The following OSBPL10 variants were observed in gnomAD, a reference collection of about 807,000 sequenced individuals.
The protein encoded by OSBPL10 is oxysterol-binding protein-related protein 10.
In OSBPL10, 49 loss-of-function variants were observed where a neutral mutation model predicts 81.7. That is an observed-to-expected ratio of 0.60 (90% CI 0.48 to 0.76). The LOEUF (loss-of-function observed/expected upper bound fraction) is 0.76, where lower values mean the gene tolerates loss of function less well. OSBPL10 is among the 30% of genes least tolerant of loss of function. OSBPL10 has a pLI of 0.00. For missense variants in OSBPL10, 923 were observed against 987.8 expected (o/e 0.93, Z 0.88); for synonymous variants, 419 against 383.6 (o/e 1.09, Z -1.08).
chr3:31,812,349 A>G (rs1045295371), intron 4 of OSBPL10, among the ~76,000 whole-genome samples: 2 of 152,164 alleles, frequency 1.3e-5, no homozygotes, highest in Admixed American at 1.3e-4. Flanking sequence ...GGTTATTATA[A>G]CAGATAATTT....
At chr3:31,886,066 A>G (rs1003802411) in intron 1 of OSBPL10, among the ~76,000 whole-genome samples, 2 of 151,604 alleles carry the variant, frequency 1.3e-5, no homozygotes, top group Non-Finnish European at 2.9e-5. Flanking sequence ...CTGCAGTGGG[A>G]AACAGCTCAC....
chr3:31,757,515 C>G (rs1031747597), intron 4 of OSBPL10, among the ~76,000 whole-genome samples: 1 of 152,200 alleles, frequency 6.6e-6, no homozygotes, highest in African/African-American at 2.4e-5. Flanking sequence ...CTTCCAGCCT[C>G]CACAACTGTG....
chr3:31,741,494 A>C (rs941763896), intron 5 of OSBPL10, among the ~76,000 whole-genome samples: 1 of 152,118 alleles, frequency 6.6e-6, no homozygotes, highest in African/African-American at 2.4e-5. Context: ...TGATCTCTTG[A>C]CCTCGTGATC....
At chr3:31,979,814 GAGCCCCTTTCCTCGAC>G (rs1698780384) in intron 1 of OSBPL10, among the ~76,000 whole-genome samples, 1 of 151,752 alleles carries the variant, frequency 6.6e-6, no homozygotes, top group African/African-American at 2.4e-5. Context: ...AGTGCCTCCT[GAGCCCCTTTCCTCGAC>G]AGCCCCATCC....
intron 1 of OSBPL10, among the ~76,000 whole-genome samples, chr3:31,902,663 C>T (rs780304996): frequency 5.7e-4 from 86 of 151,924 alleles, no homozygotes; most frequent in Admixed American, 1.8e-3. Context: ...CCCAGGTTCA[C>T]GCCATTCTCC....
chr3:31,950,311 G>T (rs1178967521), intron 1 of OSBPL10, among the ~76,000 whole-genome samples: 4 of 152,086 alleles, frequency 2.6e-5, no homozygotes, highest in African/African-American at 9.7e-5. Context: ...GACCCAAGCT[G>T]GAATTTCATA....
At chr3:31,777,860 C>G (rs1395130786) in intron 4 of OSBPL10, among the ~76,000 whole-genome samples, 2 of 152,238 alleles carry the variant, frequency 1.3e-5, no homozygotes, top group Non-Finnish European at 2.9e-5. Flanking sequence ...TAGGCACTCC[C>G]ATTCTCCAGC....
rs1043515433 is a variant in OSBPL10, at chr3:32,027,608, A to G, written n.298+18883T>C. Among the ~76,000 whole-genome samples the G allele has an allele frequency of 3.3e-5, 5 of 152,230 alleles. No individual in the cohort carries two copies. The South Asian group carries it at 8.3e-4, about 25-fold the overall frequency. On this transcript the variant is annotated intron_variant and non_coding_transcript_variant, in intron 2 of 3. Transcript: ENST00000479173. ...AACTCAAAATCATTTTTAATTAATCAATAAAATTGAATGTGTTCAGATTTT... is the reference window on the plus strand; with the variant it reads ...AACTCAAAATCATTTTTAATTAATCGATAAAATTGAATGTGTTCAGATTTT...
intron 2 of OSBPL10, among the ~76,000 whole-genome samples, chr3:32,040,851 A>G (rs907072502): frequency 6.6e-6 from 1 of 152,158 alleles, no homozygotes; most frequent in African/African-American, 2.4e-5. Flanking sequence ...AAAAGTTAAA[A>G]ATTGTTTTTA....
intron 4 of OSBPL10, among the ~76,000 whole-genome samples, chr3:31,805,320 C>CA (rs944732463): frequency 5.6e-4 from 85 of 152,304 alleles, no homozygotes; most frequent in African/African-American, 2.0e-3. Flanking sequence ...ATGCTGGTCT[C>CA]AAAGAATGAC....
chr3:31,925,930 C>T (rs999698975), intron 1 of OSBPL10, among the ~76,000 whole-genome samples: 1 of 152,216 alleles, frequency 6.6e-6, no homozygotes, highest in African/African-American at 2.4e-5. Flanking sequence ...ATGAAGGCCA[C>T]TGCAGTTCAC....
chr3:32,052,564 T>A (rs921200650), intron 1 of OSBPL10, among the ~76,000 whole-genome samples: 1 of 151,064 alleles, frequency 6.6e-6, no homozygotes, highest in Non-Finnish European at 1.5e-5. Context: ...CAAATGCCCA[T>A]CAAGATAGAC....
chr3:31,982,124 A>G (rs1211447926), upstream of OSBPL10, among the ~76,000 whole-genome samples: 1 of 152,290 alleles, frequency 6.6e-6, no homozygotes, highest in South Asian at 2.1e-4. Flanking sequence ...CTGCACGTGC[A>G]CCTAGGAGCA....
At chr3:31,905,032 C>T (rs963774558) in intron 1 of OSBPL10, among the ~76,000 whole-genome samples, 2 of 152,164 alleles carry the variant, frequency 1.3e-5, no homozygotes, top group Admixed American at 1.3e-4. Flanking sequence ...ATCTACCTCA[C>T]AGGACTTCAA....
At chr3:31,667,772 T>C (rs1700232642) in intron 10 of OSBPL10, among the ~76,000 whole-genome samples, 1 of 152,262 alleles carries the variant, frequency 6.6e-6, no homozygotes. Context: ...TGAATGATCA[T>C]GGCTGTGTTC....
intron 1 of OSBPL10, among the ~76,000 whole-genome samples, chr3:31,922,984 T>TA (rs1246401445): frequency 2.0e-5 from 3 of 152,070 alleles, no homozygotes; most frequent in East Asian, 3.9e-4. Context: ...TCACAGTGTT[T>TA]AAAAAAATCA....
intron 6 of OSBPL10, chr3:31,704,514 T>C (rs1575487807): frequency 6.6e-6 from 1 of 152,338 alleles, no homozygotes; most frequent in East Asian, 1.9e-4. Flanking sequence ...CACCATGGTG[T>C]ACCCAACAGG....
chr3:31,807,337 C>T (rs1699544381), intron 4 of OSBPL10, among the ~76,000 whole-genome samples: 2 of 151,912 alleles, frequency 1.3e-5, no homozygotes, highest in African/African-American at 2.4e-5. Flanking sequence ...CGTGCCACTA[C>T]ACTCCAGCCT....
chr3:31,681,209 T>C (rs1399249966), intron 8 of OSBPL10, among the ~76,000 whole-genome samples: 1 of 152,112 alleles, frequency 6.6e-6, no homozygotes, highest in Non-Finnish European at 1.5e-5. Context: ...GTGTGACGAG[T>C]GCAGCATGAG....
Sources: gnomAD v4.1 joint callset for allele counts (sites outside exome capture counted in the v4.1 genomes callset) on GRCh38, gnomAD v4.1.1 for gene constraint, MANE v1.5 for transcripts, NCBI Gene and HGNC (gene_info 2026-07-23, HGNC 2026-07-21) for gene names.